Variants in KCNH8 observed in about 807,000 individuals in gnomAD.
KCNH8 encodes voltage-gated delayed rectifier potassium channel KCNH8.
A neutral mutation model predicts 103.6 loss-of-function variants in KCNH8; 70 were observed. The ratio of observed to expected loss-of-function variants is 0.68; its 90% confidence interval spans 0.56 to 0.82. KCNH8 has a LOEUF of 0.82. KCNH8 is among the 40% of genes least tolerant of loss of function. The pLI, the probability that KCNH8 is intolerant of heterozygous loss-of-function variation, is 0.00. For missense variants in KCNH8, 1,217 were observed against 1,329.9 expected (o/e 0.92, Z 1.32); for synonymous variants, 498 against 489.4 (o/e 1.02, Z -0.23).
At position 19,361,585 on chromosome 3, in the gene KCNH8, T is replaced by C. The variant is rs2125109854; in HGVS notation, c.811+13620T>C. On this transcript the variant is annotated intron_variant, in intron 5 of 15. Coordinates refer to ENST00000328405, the MANE Select transcript of KCNH8 (RefSeq NM_144633.3). ...CTTTAGAAACACATGGGTTTGACTT[T>C]AACTCACCAATCGGCATTACTATTA... 1.3e-5 allele frequency among the ~76,000 whole-genome samples: 2 copies of C among 152,296 alleles called. 1 individual carries two copies. The highest frequency in any genetic ancestry group is 4.1e-4 in the South Asian group (2 of 4,822).
At chr3:19,247,759 G>A (rs2064224666) in intron 1 of KCNH8, among the ~76,000 whole-genome samples, 1 of 152,180 alleles carries the variant, frequency 6.6e-6, no homozygotes, top group Admixed American at 6.5e-5. Context: ...AGAGAATACA[G>A]GTTTCTGTAT....
chr3:19,161,249 C>T (rs749498267), intron 1 of KCNH8, among the ~76,000 whole-genome samples: 5 of 152,110 alleles, frequency 3.3e-5, no homozygotes, highest in Admixed American at 6.5e-5. Flanking sequence ...GTACTATCGT[C>T]GGTTTTAGGC....
intron 1 of KCNH8, among the ~76,000 whole-genome samples, chr3:19,173,594 G>T (rs1383456134): frequency 1.3e-5 from 2 of 152,046 alleles, no homozygotes; most frequent in African/African-American, 4.8e-5. Flanking sequence ...AAGCGATTTA[G>T]AGAAGTCAGT....
rs576059308 is a variant in KCNH8, at chr3:19,277,952, C to T, written c.311-3246C>T. On this transcript the variant is annotated intron_variant, in intron 2 of 15. Transcript: ENST00000328405. ...CTGACTCTGCTCTTATCATTCACAT[C>T]TCTGAATTTGAGGCTGTGGGACTTG... Among the ~76,000 whole-genome samples the T allele has an allele frequency of 2.0e-5, 3 of 152,140 alleles. No individual in the cohort carries two copies. The East Asian group carries it at 5.8e-4, about 29-fold the overall frequency.
chr3:19,281,300 T>C lies in KCNH8; in HGVS notation c.413T>C (p.Val138Ala), dbSNP rs765387253. 2 of 1,608,682 alleles carry C rather than the reference T, an allele frequency of 1.2e-6. No homozygotes were observed. Among genetic ancestry groups the C allele is most frequent in the African/African-American group, 2.7e-5 (2 of 74,606 alleles). Reference sequence around the variant, plus strand: ...TTCAAAGATATAACAGATACAAAAGTGAAGATTACTCCAGAAGATAAAAAA... The same window carrying C: ...TTCAAAGATATAACAGATACAAAAGCGAAGATTACTCCAGAAGATAAAAAA... Reference protein sequence around the residue: ...ASFKDITDTKVKITPEDKKED... With the variant: ...ASFKDITDTKAKITPEDKKED... Residue 138 changes from valine (V) to alanine (A), a missense_variant, in exon 3 of 16, where the codon GTG becomes GCG. Val to Ala is a moderately conservative substitution (Grantham distance 64). This residue lies in a region of KCNH8 where 244 missense variants were observed against 256.8 expected (regional missense o/e 0.95). Transcript: ENST00000328405.
intron 3 of KCNH8, among the ~76,000 whole-genome samples, chr3:19,310,735 C>T (rs760646100): frequency 1.3e-5 from 2 of 151,606 alleles, no homozygotes; most frequent in South Asian, 2.1e-4. Flanking sequence ...ATGAATATAT[C>T]GTAAAATCGT....
chr3:19,440,688 A>G (rs1229971612), intron 8 of KCNH8, among the ~76,000 whole-genome samples: 1 of 152,192 alleles, frequency 6.6e-6, no homozygotes, highest in East Asian at 1.9e-4. Context: ...GGACACAGCC[A>G]AACCATATCA....
intron 11 of KCNH8, among the ~76,000 whole-genome samples, chr3:19,471,815 C>G (rs1012061269): frequency 6.6e-6 from 1 of 152,170 alleles, no homozygotes; most frequent in Non-Finnish European, 1.5e-5. Flanking sequence ...GATTCATGGT[C>G]AGTTGCCTAA....
At chr3:19,314,861 TTGAC>T (rs1172670327) in intron 3 of KCNH8, 1 of 154,236 alleles carries the variant, frequency 6.5e-6, no homozygotes, top group Non-Finnish European at 1.5e-5. Context: ...TTACTGGACA[TTGAC>T]TGCACATAAT....
rs910232897 is a variant in KCNH8 at position 19,201,524 on chromosome 3, A to G, written c.77-52130A>G. 6.6e-5 allele frequency among the ~76,000 whole-genome samples: 10 copies of G among 152,250 alleles called. No individual in the cohort carries two copies. In the East Asian group the frequency reaches 1.7e-3, roughly 26 times the overall value. On this transcript the variant is annotated intron_variant, in intron 1 of 15. Coordinates refer to ENST00000328405, the MANE Select transcript of KCNH8 (RefSeq NM_144633.3). ...AACAGTGAGAAAGGATCATAGTGAC[A>G]GAGTGGGGGAACTTGAACATACTTT...
intron 11 of KCNH8, among the ~76,000 whole-genome samples, chr3:19,492,886 ATTTC>A (rs2068357469): frequency 2.1e-5 from 2 of 95,512 alleles, no homozygotes; most frequent in Non-Finnish European, 4.4e-5. Flanking sequence ...TGTGTGTGTG[ATTTC>A]TGACTTCTTT....
At chr3:19,513,540 T>A (rs1325669416) in intron 13 of KCNH8, among the ~76,000 whole-genome samples, 5 of 152,132 alleles carry the variant, frequency 3.3e-5, no homozygotes, top group Admixed American at 3.3e-4. Context: ...TACTAAATGT[T>A]CAGAAATCCT....
intron 7 of KCNH8, among the ~76,000 whole-genome samples, chr3:19,425,265 C>T (rs753152512): frequency 1.6e-4 from 24 of 152,132 alleles, no homozygotes; most frequent in Non-Finnish European, 3.2e-4. Context: ...TTTTCTCCAT[C>T]TCTGTTCATC....
At chr3:19,369,100 A>T (rs2066052200) in intron 5 of KCNH8, among the ~76,000 whole-genome samples, 1 of 151,896 alleles carries the variant, frequency 6.6e-6, no homozygotes, top group Non-Finnish European at 1.5e-5. Flanking sequence ...TTTGTTTTTT[A>T]AAGGAAATAT....
intron 5 of KCNH8, among the ~76,000 whole-genome samples, chr3:19,375,114 G>T (rs899519088): frequency 1.3e-5 from 2 of 151,522 alleles, no homozygotes; most frequent in African/African-American, 4.9e-5. Context: ...GAGTATCTTT[G>T]TGGCGTTCTC....
chr3:19,454,169 TG>T (rs1559334972), intron 10 of KCNH8, among the ~76,000 whole-genome samples: 2 of 150,844 alleles, frequency 1.3e-5, no homozygotes, highest in African/African-American at 4.9e-5. Flanking sequence ...TGTGTGTGTG[TG>T]TGTGTGTGTG....
In KCNH8 at chr3:19,265,954, A is replaced by G. The variant is rs570912167; in HGVS notation, c.310+12067A>G. Among the ~76,000 whole-genome samples the G allele has an allele frequency of 3.9e-5, 6 of 152,068 alleles. No individual in the cohort carries two copies. In the South Asian group the frequency reaches 1.2e-3, roughly 32 times the overall value. ...CACTGTCTTAGGTCAGACCCTTACA[A>G]TTTTGGTCCAGAGCTACAATAACTC... On this transcript the variant is annotated intron_variant, in intron 2 of 15. Coordinates refer to ENST00000328405, the MANE Select transcript of KCNH8 (RefSeq NM_144633.3).
chr3:19,298,886 C>T (rs1057139871), intron 3 of KCNH8, among the ~76,000 whole-genome samples: 9 of 142,584 alleles, frequency 6.3e-5, no homozygotes, highest in Non-Finnish European at 1.3e-4. Context: ...CGCGCCACTG[C>T]ACTCCGGCCT....
In KCNH8 at chr3:19,185,810, G is replaced by A. The variant is rs532490647; in HGVS notation, c.76+37015G>A. On this transcript the variant is annotated intron_variant, in intron 1 of 15. Transcript: ENST00000328405. ...TTACTGGTAATTCTGTCAAAGCAATGGTCTTATATTTACTTTCCACATTTA... is the reference window on the plus strand; with the variant it reads ...TTACTGGTAATTCTGTCAAAGCAATAGTCTTATATTTACTTTCCACATTTA... Among the ~76,000 whole-genome samples, 34 of 151,918 alleles carry A rather than the reference G, an allele frequency of 2.2e-4. 1 individual carries two copies. In the East Asian group the frequency reaches 4.2e-3, roughly 19 times the overall value.
Sources: gnomAD v4.1 joint callset for allele counts (sites outside exome capture counted in the v4.1 genomes callset) on GRCh38, gnomAD v4.1.1 for gene constraint, gnomAD v4.1.1 regional missense constraint, MANE v1.5 for transcripts, NCBI Gene and HGNC (gene_info 2026-07-23, HGNC 2026-07-21) for gene names.